The following SYNE2 variants were observed in gnomAD, a reference collection of about 807,000 sequenced individuals.
SYNE2 encodes nesprin-2.
Under a neutral mutation model 856.3 loss-of-function variants are expected in SYNE2, and 431 were observed. That is an observed-to-expected ratio of 0.50 (90% CI 0.47 to 0.55). The LOEUF (loss-of-function observed/expected upper bound fraction) is 0.55, where lower values mean the gene tolerates loss of function less well. SYNE2 is among the 20% of genes least tolerant of loss of function. The pLI, the probability that SYNE2 is intolerant of heterozygous loss-of-function variation, is 0.00. For missense variants in SYNE2, 8,129 were observed against 8,023.2 expected (o/e 1.01, Z -0.50); for synonymous variants, 2,923 against 2,872.3 (o/e 1.02, Z -0.56).
chr14:64,102,429 G>A (rs190766305), intron 64 of SYNE2, among the ~76,000 whole-genome samples: 21 of 151,196 alleles, frequency 1.4e-4, no homozygotes, highest in African/African-American at 4.6e-4. Flanking sequence ...GCTCAGACAG[G>A]AATAAAAATA....
At chr14:64,177,209 G>A in intron 95 of SYNE2, 149 bp from the exon 96 acceptor site, 1 of 951,970 alleles carries the variant, frequency 1.1e-6, no homozygotes, top group Non-Finnish European at 1.6e-6. Context: ...GGAGACCATA[G>A]TCTGCTTAAG....
intron 1 of SYNE2, among the ~76,000 whole-genome samples, chr14:63,818,964 C>T (rs1318026289): frequency 1.3e-5 from 2 of 151,764 alleles, no homozygotes; most frequent in Non-Finnish European, 2.9e-5. Flanking sequence ...TCCCAGAGTG[C>T]TGGGATTACA....
intron 1 of SYNE2, among the ~76,000 whole-genome samples, chr14:63,781,633 TAGAG>T (rs930051501): frequency 6.6e-6 from 1 of 150,736 alleles, no homozygotes; most frequent in Non-Finnish European, 1.5e-5. Flanking sequence ...ACCCCAGAGG[TAGAG>T]AGAGAGATGG....
rs1319974360 is a variant in SYNE2, at chr14:64,007,162, A to T, written c.4517A>T (p.Asn1506Ile). The T allele has an allele frequency of 6.2e-7, 1 of 1,614,200 alleles. No homozygotes were observed. Residue 1506 changes from asparagine (N) to isoleucine (I), a missense_variant, in exon 31 of 116, where the codon AAT (asparagine) becomes ATT (isoleucine). Around this residue, in one of 3 missense-constraint regions of SYNE2, gnomAD observed 2,422 missense variants for 2,357.4 expected, o/e 1.03. Transcript: ENST00000555002. ...HFKDGREKTV[N>I]QQCQNTVVLW... ...AAAGATGGCAGAGAAAAAACCGTGA[A>T]TCAACAGTGCCAAAATACAGTAGTC...
rs565946695 is a variant in SYNE2, at chr14:63,987,767, T to A, written c.2313+1150T>A. 3.7e-4 allele frequency among the ~76,000 whole-genome samples: 54 copies of A among 147,032 alleles called. 1 individual carries two copies. In the South Asian group the frequency reaches 3.9e-3, roughly 11 times the overall value. On this transcript the variant is annotated intron_variant, in intron 19 of 115. Transcript: ENST00000555002. The stretch of plus-strand genomic sequence containing the variant: ...GAGGTAGAAATTAAATATTTAAAAA[T>A]TTTTTAAATAATTTAAAAATTTTAG...
In SYNE2 at chr14:63,815,098, A is replaced by G. The variant is rs142689528; in HGVS notation, c.-304-37403A>G. The stretch of plus-strand genomic sequence containing the variant: ...TATATATCCATATATATGCACATAT[A>G]TATCCACACATATATCCATATATAT... On this transcript the variant is annotated intron_variant, in intron 1 of 23. Coordinates refer to the SYNE2 transcript ENST00000674003. 8.0e-3 allele frequency among the ~76,000 whole-genome samples: 1,091 copies of G among 137,182 alleles called. 5 individuals carry two copies. The highest frequency in any genetic ancestry group is 0.026 in the Middle Eastern group (6 of 234). The allele number at this position is 137,182 out of a possible 152,430, so 90.0% of individuals were successfully genotyped here.
At chr14:63,885,949 C>T (rs931761745) in intron 1 of SYNE2, among the ~76,000 whole-genome samples, 2 of 152,034 alleles carry the variant, frequency 1.3e-5, no homozygotes, top group South Asian at 4.1e-4. Flanking sequence ...GGAGACAGCT[C>T]GAGAATATGT....
intron 101 of SYNE2, 133 bp downstream of exon 101, chr14:64,209,078 C>G: frequency 8.7e-7 from 1 of 1,152,130 alleles, no homozygotes; most frequent in Non-Finnish European, 1.3e-6. Context: ...GAAGGCCCAA[C>G]GCTTATCAAA....
At chr14:63,808,947 C>A (rs1282395513) in intron 1 of SYNE2, among the ~76,000 whole-genome samples, 4 of 152,054 alleles carry the variant, frequency 2.6e-5, no homozygotes, top group Non-Finnish European at 5.9e-5. Flanking sequence ...TGCTTGAACC[C>A]AGATGGCAGA....
intron 112 of SYNE2, among the ~76,000 whole-genome samples, chr14:64,222,535 T>A (rs2098699361): frequency 6.6e-6 from 1 of 152,056 alleles, no homozygotes; most frequent in African/African-American, 2.4e-5. Context: ...TGAAACCCTG[T>A]CTCTACTAAA....
chr14:63,866,774 C>A (rs1895445832), intron 1 of SYNE2, among the ~76,000 whole-genome samples: 1 of 152,108 alleles, frequency 6.6e-6, no homozygotes, highest in Admixed American at 6.6e-5. Context: ...GAATTCAAGA[C>A]CAACCTAGGC....
intron 57 of SYNE2, 106 bp downstream of exon 57, chr14:64,081,686 T>TA (rs2097524953): frequency 7.8e-7 from 1 of 1,285,782 alleles, no homozygotes; most frequent in Non-Finnish European, 1.1e-6. Flanking sequence ...AATACAACCT[T>TA]ACCGCTAACC....
At chr14:63,951,102 A>G (rs1173644978) in intron 7 of SYNE2, among the ~76,000 whole-genome samples, 1 of 152,038 alleles carries the variant, frequency 6.6e-6, no homozygotes, top group Non-Finnish European at 1.5e-5. Context: ...GGAGCTTAGG[A>G]AAAATAAGGA....
At chr14:63,838,014 C>A (rs375381440) in intron 1 of SYNE2, among the ~76,000 whole-genome samples, 1 of 150,236 alleles carries the variant, frequency 6.7e-6, no homozygotes, top group Admixed American at 6.6e-5. Flanking sequence ...ATAAAAGATG[C>A]TCAACATCAG....
intron 45 of SYNE2, among the ~76,000 whole-genome samples, chr14:64,032,371 A>G (rs111830675): frequency 4.6e-5 from 7 of 152,116 alleles, no homozygotes; most frequent in African/African-American, 1.4e-4. Flanking sequence ...AGGCTGGGCA[A>G]CATAGCAAGA....
In SYNE2 at chr14:64,003,008, A is replaced by G. The variant is rs1444469318; in HGVS notation, c.4075A>G (p.Thr1359Ala). 2 of 1,614,188 alleles carry G rather than the reference A, an allele frequency of 1.2e-6. No individual in the cohort carries two copies. The highest frequency in any genetic ancestry group is 3.3e-5 in the Admixed American group (2 of 60,016). Residue 1359 changes from threonine (T) to alanine (A), a missense_variant, in exon 30 of 116, where the codon ACA becomes GCA. Physicochemically the swap from Thr to Ala is moderately conservative, Grantham distance 58 (BLOSUM62 0). This residue lies in a region of SYNE2 where 2,422 missense variants were observed against 2,357.4 expected (regional missense o/e 1.03). Transcript: ENST00000555002. ...DTQVAQENTL[T>A]VKNKEGEIHL... ...ACAGGTGGCACAAGAAAATACGTTG[A>G]CAGTAAAAAATAAAGAGGGAGAAAT... is the stretch of plus-strand genomic sequence containing the variant.
intron 1 of SYNE2, among the ~76,000 whole-genome samples, chr14:63,858,738 TA>T (rs1338478071): frequency 6.6e-6 from 1 of 152,216 alleles, no homozygotes. Context: ...CGATGGCGAT[TA>T]AATTTCACCA....
chr14:64,223,159 C>T (rs2098702710), intron 112 of SYNE2, 30 bp from the exon 113 acceptor site: 2 of 1,612,076 alleles, frequency 1.2e-6, no homozygotes, highest in Non-Finnish European at 1.7e-6. Context: ...TTGGACAGGT[C>T]ACTGTTTCAC....
rs2097326710 is a variant in SYNE2, at chr14:64,062,690, T to G, written c.10068-61T>G. ...GTGTGGAATATTTATTCTGGGAAAT[T>G]TTGAATTTATTGTGTTAAATAAAAT... On this transcript the variant is annotated intron_variant, in intron 49 of 115. Transcript: ENST00000555002. 2.1e-6 allele frequency: 3 copies of G among 1,455,990 alleles called. No homozygotes were observed. In the Admixed American group the frequency reaches 5.3e-5, roughly 26 times the overall value. The allele number at this position is 1,455,990 out of a possible 1,614,324, so 90.2% of individuals were successfully genotyped here.
Sources: gnomAD v4.1 joint callset for allele counts (sites outside exome capture counted in the v4.1 genomes callset) on GRCh38, gnomAD v4.1.1 for gene constraint, gnomAD v4.1.1 regional missense constraint, MANE v1.5 for transcripts, NCBI Gene and HGNC (gene_info 2026-07-23, HGNC 2026-07-21) for gene names.